Variants in PTPRG observed in about 807,000 individuals in gnomAD.
PTPRG encodes the protein protein tyrosine phosphatase receptor type G, also known as receptor-type tyrosine-protein phosphatase gamma.
Under a neutral mutation model 165.3 loss-of-function variants are expected in PTPRG, and 102 were observed. The observed-to-expected ratio is 0.62, with a 90% confidence interval of 0.53 to 0.73. The LOEUF (loss-of-function observed/expected upper bound fraction) is 0.73, where lower values mean the gene tolerates loss of function less well. PTPRG is among the 30% of genes least tolerant of loss of function. PTPRG has a pLI of 0.00. For missense variants in PTPRG, 1,866 were observed against 1,861.4 expected, an observed-to-expected ratio of 1.00 and a Z score of -0.05; for synonymous variants, 675 against 669.5, an observed-to-expected ratio of 1.01 and a Z score of -0.13.
chr3:61,952,057 G>A (rs251034), intron 2 of PTPRG, among the ~76,000 whole-genome samples: 13,363 of 144,976 alleles, frequency 0.092, 782 homozygotes, highest in Non-Finnish European at 0.14. Flanking sequence ...GTCGGAGGTT[G>A]CAGTGAGCTG....
chr3:62,138,054 C>T (rs1172930258), intron 6 of PTPRG, among the ~76,000 whole-genome samples: 2 of 152,186 alleles, frequency 1.3e-5, no homozygotes, highest in Non-Finnish European at 2.9e-5. Flanking sequence ...TTCTCTTTTG[C>T]AGAACTTCTT....
chr3:62,049,604 A>G (rs1700407268), intron 4 of PTPRG, among the ~76,000 whole-genome samples: 1 of 152,176 alleles, frequency 6.6e-6, no homozygotes, highest in African/African-American at 2.4e-5. Flanking sequence ...ATAAGTCGCA[A>G]AAGATGCTGG....
chr3:61,810,548 A>T (rs542262388), intron 2 of PTPRG, among the ~76,000 whole-genome samples: 3 of 152,168 alleles, frequency 2.0e-5, no homozygotes, highest in African/African-American at 7.2e-5. Flanking sequence ...CTCCATAGGC[A>T]TATGACCTCA....
chr3:61,798,725 T>C (rs886712424), intron 2 of PTPRG, among the ~76,000 whole-genome samples: 2 of 151,814 alleles, frequency 1.3e-5, no homozygotes, highest in African/African-American at 4.8e-5. Flanking sequence ...CTGTAGCATC[T>C]TCCAATAAAA....
chr3:62,284,971 A>C (rs1223843528), intron 28 of PTPRG, among the ~76,000 whole-genome samples: 8 of 152,080 alleles, frequency 5.3e-5, no homozygotes, highest in African/African-American at 1.9e-4. Context: ...TTCAATACAC[A>C]GTTCAAAAGT....
chr3:61,979,979 C>T (rs1235429512), intron 2 of PTPRG, among the ~76,000 whole-genome samples: 2 of 151,854 alleles, frequency 1.3e-5, no homozygotes, highest in Non-Finnish European at 2.9e-5. Context: ...GGTATACAGA[C>T]CCTCAGCCCT....
At chr3:61,856,895 A>G (rs996700671) in intron 2 of PTPRG, among the ~76,000 whole-genome samples, 2 of 152,200 alleles carry the variant, frequency 1.3e-5, no homozygotes, top group Non-Finnish European at 1.5e-5. Flanking sequence ...TAAACCATTT[A>G]AAGTCACATA....
At chr3:62,174,055 C>G (rs1214336579) in intron 8 of PTPRG, among the ~76,000 whole-genome samples, 1 of 152,198 alleles carries the variant, frequency 6.6e-6, no homozygotes, top group Non-Finnish European at 1.5e-5. Flanking sequence ...CGATTTGCCA[C>G]TCTGCCCTTT....
At chr3:61,592,629 TTTTC>T (rs572514416) in intron 1 of PTPRG, among the ~76,000 whole-genome samples, 1,533 of 147,378 alleles carry the variant, frequency 0.01, 37 homozygotes, top group African/African-American at 0.035. Context: ...TTCTCTCTCT[TTTTC>T]TTTCTTTCTT....
intron 1 of PTPRG, among the ~76,000 whole-genome samples, chr3:61,652,300 G>A (rs564341646): frequency 1.8e-4 from 27 of 152,326 alleles, no homozygotes; most frequent in South Asian, 1.5e-3. Context: ...GCGAGACTCC[G>A]TCTCAAAGTA....
intron 2 of PTPRG, among the ~76,000 whole-genome samples, chr3:61,967,762 T>C (rs1348598808): frequency 6.6e-6 from 1 of 152,256 alleles, no homozygotes; most frequent in Admixed American, 6.5e-5. Context: ...CTATCTTTAC[T>C]ATTGTTGCAG....
chr3:61,862,110 A>G (rs1225888503), intron 2 of PTPRG, among the ~76,000 whole-genome samples: 1 of 152,080 alleles, frequency 6.6e-6, no homozygotes, highest in Non-Finnish European at 1.5e-5. Context: ...CTGTCATATC[A>G]GTGGTGGCAT....
Position 62,231,320 on chromosome 3 carries a change from C to T in PTPRG, c.2375+9C>T, listed in dbSNP as rs752917193. On this transcript the variant is annotated intron_variant, in intron 14 of 29. Transcript: ENST00000474889. Reference sequence around the variant, plus strand: ...GGAGAGAAGGGGAGCAGGTGAGGGGCGGTCAAGCTTAAGTGGGGGGCGTCT... The same window carrying T: ...GGAGAGAAGGGGAGCAGGTGAGGGGTGGTCAAGCTTAAGTGGGGGGCGTCT... 5.1e-6 allele frequency: 8 copies of T among 1,565,304 alleles called. No individual in the cohort carries two copies. The highest frequency in any genetic ancestry group is 2.3e-5 in the East Asian group (1 of 42,658).
intron 1 of PTPRG, among the ~76,000 whole-genome samples, chr3:61,658,105 T>G (rs979088796): frequency 6.6e-6 from 1 of 152,218 alleles, no homozygotes; most frequent in Non-Finnish European, 1.5e-5. Flanking sequence ...CTCTGATTTC[T>G]AGATTTGGAA....
At chr3:61,728,824 C>T (rs2032367330) in intron 1 of PTPRG, among the ~76,000 whole-genome samples, 1 of 148,580 alleles carries the variant, frequency 6.7e-6, no homozygotes, top group South Asian at 2.1e-4. Context: ...CTTGCTTGAG[C>T]CCACGAGTTC....
At chr3:62,204,076 G>A (rs1307800452) in intron 12 of PTPRG, 126 bp downstream of exon 12, 27 of 1,408,972 alleles carry the variant, frequency 1.9e-5, no homozygotes, top group Non-Finnish European at 2.4e-5. Context: ...ATATATGTCT[G>A]TCATAGAAAA....
chr3:62,234,016 A>G (rs913635317), intron 14 of PTPRG, among the ~76,000 whole-genome samples: 7 of 152,174 alleles, frequency 4.6e-5, no homozygotes, highest in Admixed American at 4.6e-4. Context: ...TTTGTTGTCT[A>G]TTCTTCCAGG....
intron 1 of PTPRG, among the ~76,000 whole-genome samples, chr3:61,658,052 G>A (rs955332798): frequency 1.3e-5 from 2 of 152,174 alleles, no homozygotes; most frequent in African/African-American, 4.8e-5. Context: ...TGTTTGGGAA[G>A]TATAAGAGCT....
chr3:61,999,321 A>C (rs13098476), intron 3 of PTPRG, among the ~76,000 whole-genome samples: 34 of 152,226 alleles, frequency 2.2e-4, no homozygotes, highest in African/African-American at 8.2e-4. Flanking sequence ...CGCTGGGGTT[A>C]TAAGCACAAG....
Sources: gnomAD v4.1 joint callset for allele counts (sites outside exome capture counted in the v4.1 genomes callset) on GRCh38, gnomAD v4.1.1 for gene constraint, MANE v1.5 for transcripts, NCBI Gene and HGNC (gene_info 2026-07-23, HGNC 2026-07-21) for gene names.